TNFRSF25: variants seen among roughly 807,000 people sequenced by gnomAD.
TNFRSF25 encodes the protein TNF receptor superfamily member 25, also known as tumor necrosis factor receptor superfamily member 25.
TNFRSF25 carries 28 observed loss-of-function variants against 49.4 expected under a neutral mutation model. The observed-to-expected ratio is 0.57, with a 90% CI of 0.42 to 0.78. The LOEUF is 0.78. Among genes scored for constraint, TNFRSF25 ranks in the 30% least tolerant of loss-of-function variants. The pLI is 0.00. For synonymous variants in TNFRSF25, 240 were observed against 234.2 expected (o/e 1.02, Z -0.23); for missense variants, 531 against 581.6 (o/e 0.91, Z 0.90).
At chr1:6,463,206 C>T (rs1451098639) in intron 5 of TNFRSF25, 79 bp from the exon 6 acceptor site, 1 of 1,431,430 alleles carries the variant, frequency 7.0e-7, no homozygotes, top group African/African-American at 1.4e-5. Context: ...AGCATCTGCT[C>T]CATCCTAGAG....
Position 6,461,018 on chromosome 1 carries a change from G to C in TNFRSF25, c.*416C>G. On this transcript the variant is annotated 3_prime_UTR_variant, in exon 10 of 10. Coordinates refer to ENST00000356876, the MANE Select transcript of TNFRSF25 (RefSeq NM_003790.3). The surrounding 1 kb of genome is among the most constrained non-coding windows in gnomAD (Gnocchi z 6.3). ...GAGTGGACTCGGGAGGGGCAGGCTT[G>C]GGAGCTAAGGCCACACTGGACTCCA... 2 of 401,178 alleles carry C rather than the reference G, an allele frequency of 5.0e-6. No homozygotes were observed. Among genetic ancestry groups the C allele is most frequent in the Non-Finnish European group, 1.0e-5 (2 of 197,734 alleles). 24.9% of individuals were successfully genotyped at this position (401,178 alleles called of 1,614,324 possible).
chr1:6,465,880 C>T (rs1644348794), intron 1 of TNFRSF25, 189 bp downstream of exon 1: 1 of 1,420,806 alleles, frequency 7.0e-7, no homozygotes, highest in African/African-American at 1.5e-5. Context: ...GGCCCCCAGA[C>T]CCTCCTGGGA....
rs753208309 is a variant in TNFRSF25, at chr1:6,461,793, G to T, written c.926-31C>A. On this transcript the variant is annotated intron_variant, in intron 9 of 9. Transcript: ENST00000356876. This position sits in a 1 kb window ranked among gnomAD's most constrained non-coding sequence, Gnocchi z 6.3. ...GCAGGGCCAGAGAGAGCCAATTGGG[G>T]TACGTGGGCCGCGGTCGGGAGGCAG... is the stretch of plus-strand genomic sequence containing the variant. The T allele has an allele frequency of 2.7e-6, 4 of 1,480,944 alleles. No individual in the cohort carries two copies. The highest frequency in any genetic ancestry group is 2.2e-5 in the Admixed American group (1 of 44,672). 91.7% of individuals were successfully genotyped at this position (1,480,944 alleles called of 1,614,324 possible).
In TNFRSF25 at chr1:6,461,292, A is replaced by C; in HGVS notation, c.*142T>G. ...CTTGGCTGGAGCGATAGGGGCGAGCAGGGGTGGGGCCGGCTGGTGCTGCTA... is the reference window on the plus strand; with the variant it reads ...CTTGGCTGGAGCGATAGGGGCGAGCCGGGGTGGGGCCGGCTGGTGCTGCTA... On this transcript the variant is annotated 3_prime_UTR_variant, in exon 10 of 10. Transcript: ENST00000356876. This position sits in a 1 kb window ranked among gnomAD's most constrained non-coding sequence, Gnocchi z 6.3. The C allele has an allele frequency of 9.5e-7, 1 of 1,055,058 alleles. No individual in the cohort carries two copies. The highest frequency in any genetic ancestry group is 1.4e-6 in the Non-Finnish European group (1 of 696,738). 65.4% of individuals were successfully genotyped at this position (1,055,058 alleles called of 1,614,324 possible).
At chr1:6,464,090 C>T (rs1644260752) in intron 5 of TNFRSF25, 9 of 1,292,506 alleles carry the variant, frequency 7.0e-6, no homozygotes, top group Middle Eastern at 6.1e-4. Context: ...ATCAATGTGA[C>T]TCTCTGTGTA....
At chr1:6,465,679 C>T in intron 1 of TNFRSF25, 119 bp from the exon 2 acceptor site, 7 of 1,473,808 alleles carry the variant, frequency 4.7e-6, no homozygotes, top group Non-Finnish European at 5.4e-6. Flanking sequence ...CTTCCCAGGC[C>T]CCGGGCAGAA....
chr1:6,465,642 C>T (rs1644334703), intron 1 of TNFRSF25, 82 bp from the exon 2 acceptor site: 2 of 1,536,342 alleles, frequency 1.3e-6, no homozygotes, highest in Admixed American at 2.0e-5. Context: ...TTTCAGAGGC[C>T]CCAGCATTTG....
chr1:6,461,101 AAAGTC>A lies in TNFRSF25; in HGVS notation c.*328_*332del, dbSNP rs1350654683. On this transcript the variant is annotated 3_prime_UTR_variant, in exon 10 of 10. Coordinates refer to ENST00000356876, the MANE Select transcript of TNFRSF25 (RefSeq NM_003790.3). This position sits in a 1 kb window ranked among gnomAD's most constrained non-coding sequence, Gnocchi z 6.3. ...CCCGTCCCCTTCGAATCCCTCGAGAAAAGTCCAGTCCACTTAACACCCCAGCCCCG... is the reference window on the plus strand; with the variant it reads ...CCCGTCCCCTTCGAATCCCTCGAGAACAGTCCACTTAACACCCCAGCCCCG... 3 of 551,000 alleles carry A rather than the reference AAAGTC, an allele frequency of 5.4e-6. No homozygotes were observed. Among genetic ancestry groups the A allele is most frequent in the Non-Finnish European group, 7.1e-6 (2 of 280,266 alleles). The allele number at this position is 551,000 out of a possible 1,614,324, so 34.1% of individuals were successfully genotyped here. A position where few individuals can be genotyped will look rare whatever the true frequency, so the allele number is the denominator to read the frequency against.
chr1:6,464,217 C>A, intron 5 of TNFRSF25, 158 bp downstream of exon 5: 1 of 1,478,894 alleles, frequency 6.8e-7, no homozygotes, highest in Non-Finnish European at 9.0e-7. Context: ...CTTTTGCCAT[C>A]TAAGTTTGCC....
rs764350818 is a variant in TNFRSF25, at chr1:6,466,112, C to T, written c.-5G>A. 8 of 1,539,114 alleles carry T rather than the reference C, an allele frequency of 5.2e-6. No individual in the cohort carries two copies. Among genetic ancestry groups the T allele is most frequent in the Non-Finnish European group, 7.0e-6 (8 of 1,148,006 alleles). ...GCCCCGCGGCCGCTGCTCCATAGCC[C>T]TCCGACGGGCGCCCAGGGGCTTCCC... On this transcript the variant is annotated 5_prime_UTR_variant, in exon 1 of 10. Transcript: ENST00000356876.
chr1:6,463,715 G>A (rs1644249956), intron 5 of TNFRSF25: 1 of 106,106 alleles, frequency 9.4e-6, no homozygotes, highest in East Asian at 3.2e-4. Flanking sequence ...GACAGAGCAA[G>A]TCTCCATCTC....
In TNFRSF25 at chr1:6,463,179, GCTCC is replaced by G. The variant is rs1447923411; in HGVS notation, c.543-56_543-53del. ...GATGAGGGGGTGCATGCCAGGAGGGGCTCCCTAAGACTGCCCAGCATCTGCTCCA... is the reference window on the plus strand; with the variant it reads ...GATGAGGGGGTGCATGCCAGGAGGGGCTAAGACTGCCCAGCATCTGCTCCA... On this transcript the variant is annotated intron_variant, in intron 5 of 9. Transcript: ENST00000356876. The G allele has an allele frequency of 3.3e-6, 5 of 1,533,304 alleles. No individual in the cohort carries two copies. The East Asian group carries it at 1.2e-4, about 38-fold the overall frequency. 95.0% of individuals were successfully genotyped at this position (1,533,304 alleles called of 1,614,324 possible). A position where few individuals can be genotyped will look rare whatever the true frequency, so the allele number is the denominator to read the frequency against.
In TNFRSF25 at chr1:6,461,162, T is replaced by TTTTG. The variant is rs1015716688; in HGVS notation, c.*268_*271dup. On this transcript the variant is annotated 3_prime_UTR_variant, in exon 10 of 10. Coordinates refer to ENST00000356876, the MANE Select transcript of TNFRSF25 (RefSeq NM_003790.3). This position sits in a 1 kb window ranked among gnomAD's most constrained non-coding sequence, Gnocchi z 6.3. ...ACGCCAAGAAGCCGTTTTTGTTTTG[T>TTTTG]TTTGTTTTCTTTCACAGATTTAATA... The TTTTG allele has an allele frequency of 1.6e-5, 11 of 682,468 alleles. No individual in the cohort carries two copies. In the African/African-American group the frequency reaches 2.0e-4, roughly 12 times the overall value. The allele number at this position is 682,468 out of a possible 1,614,324, so 42.3% of individuals were successfully genotyped here.
rs1197215000 is a variant in TNFRSF25, at chr1:6,461,238, C to T, written c.*196G>A. On this transcript the variant is annotated 3_prime_UTR_variant, in exon 10 of 10. Coordinates refer to ENST00000356876, the MANE Select transcript of TNFRSF25 (RefSeq NM_003790.3). The surrounding 1 kb of genome is among the most constrained non-coding windows in gnomAD (Gnocchi z 6.3). The stretch of plus-strand genomic sequence containing the variant: ...GAGAAGTTGAGAAATGTCTTCACCC[C>T]CTCTCGACATTCGTTCGTGCTTCTT... The T allele has an allele frequency of 6.7e-6, 5 of 751,434 alleles. 1 individual carries two copies. The South Asian group carries it at 7.4e-5, about 11-fold the overall frequency. 46.5% of individuals were successfully genotyped at this position (751,434 alleles called of 1,614,324 possible).
chr1:6,464,486 G>C, intron 4 of TNFRSF25, 33 bp from the exon 5 acceptor site: 3 of 1,612,146 alleles, frequency 1.9e-6, no homozygotes, highest in Non-Finnish European at 2.5e-6. Context: ...GTCACCATGG[G>C]ACAGGAGTGG....
chr1:6,462,441 C>A lies in TNFRSF25; in HGVS notation c.744+188G>T. ...GTTAGCTCCTGTGTACGAATCTGAA[C>A]TCCAGCTGACTGAGCACCCCTTGAG... On this transcript the variant is annotated intron_variant, in intron 8 of 9. Transcript: ENST00000356876. This position sits in a 1 kb window ranked among gnomAD's most constrained non-coding sequence, Gnocchi z 4.2. 7.1e-7 allele frequency: 1 copy of A among 1,399,368 alleles called. No individual in the cohort carries two copies. Among genetic ancestry groups the A allele is most frequent in the Non-Finnish European group, 9.5e-7 (1 of 1,056,136 alleles). The allele number at this position is 1,399,368 out of a possible 1,614,324, so 86.7% of individuals were successfully genotyped here.
intron 5 of TNFRSF25, chr1:6,463,337 G>A: frequency 1.6e-6 from 1 of 607,568 alleles, no homozygotes; most frequent in Non-Finnish European, 2.9e-6. Flanking sequence ...TCACTAGAAT[G>A]TCAACCCCAA....
In TNFRSF25 at chr1:6,462,544, C is replaced by T; in HGVS notation, c.744+85G>A. The T allele has an allele frequency of 1.9e-6, 3 of 1,561,428 alleles. No individual in the cohort carries two copies. Among genetic ancestry groups the T allele is most frequent in the Non-Finnish European group, 2.6e-6 (3 of 1,154,758 alleles). On this transcript the variant is annotated intron_variant, in intron 8 of 9. Transcript: ENST00000356876. This position sits in a 1 kb window ranked among gnomAD's most constrained non-coding sequence, Gnocchi z 4.2. ...GTCCACTAGGGCTACCCGGTGCTGG[C>T]CGCGTGCCAAGCTCCAGGGATCATA...
Position 6,465,194 on chromosome 1 carries a change from C to T in TNFRSF25, c.189G>A (p.Glu63=). The T allele has an allele frequency of 6.2e-7, 1 of 1,612,938 alleles. No individual in the cohort carries two copies. The highest frequency in any genetic ancestry group is 8.5e-7 in the Non-Finnish European group (1 of 1,179,746). Residue 63 remains glutamate (E), a synonymous_variant, in exon 3 of 10, where the codon GAG becomes GAA. Coordinates refer to ENST00000356876, the MANE Select transcript of TNFRSF25 (RefSeq NM_003790.3). Reference sequence around the variant, plus strand: ...CAAGGCAGGTGGAGTTGCCGCAGGGCTCCGTGCAAGGGGCCTTCAGGTAGT... The same window carrying T: ...CAAGGCAGGTGGAGTTGCCGCAGGGTTCCGTGCAAGGGGCCTTCAGGTAGT... ...AGHYLKAPCT[E]PCGNSTCLVC...
Sources: gnomAD v4.1 joint callset for allele counts on GRCh38, gnomAD v4.1.1 for gene constraint, Gnocchi (gnomAD v3.1) non-coding constraint, MANE v1.5 for transcripts, NCBI Gene and HGNC (gene_info 2026-07-23, HGNC 2026-07-21) for gene names.